The following ZFPM2 variants were observed in gnomAD, a reference collection of about 807,000 sequenced individuals.
ZFPM2 encodes the protein zinc finger protein ZFPM2.
In ZFPM2, 20 loss-of-function variants were observed where a neutral mutation model predicts 98.6. The observed-to-expected ratio is 0.20, with a 90% CI of 0.14 to 0.29. The LOEUF (loss-of-function observed/expected upper bound fraction) is 0.29, where lower values mean the gene tolerates loss of function less well. Ranked by LOEUF, ZFPM2 falls within the 10% of genes least tolerant of loss-of-function variation. The pLI, the probability that ZFPM2 is intolerant of heterozygous loss-of-function variation, is 1.00. For missense variants in ZFPM2, 1,310 were observed against 1,388.6 expected (o/e 0.94, Z 0.90); for synonymous variants, 518 against 502.7 (o/e 1.03, Z -0.41).
intron 3 of ZFPM2, among the ~76,000 whole-genome samples, chr8:105,471,974 A>T (rs766527728): frequency 6.6e-6 from 1 of 152,166 alleles, no homozygotes; most frequent in Non-Finnish European, 1.5e-5. Flanking sequence ...GTTTCAAAAA[A>T]TGTGGTCGGT....
chr8:105,717,763 T>C (rs1294663385), intron 5 of ZFPM2, among the ~76,000 whole-genome samples: 4 of 151,946 alleles, frequency 2.6e-5, no homozygotes, highest in Non-Finnish European at 5.9e-5. Flanking sequence ...TAGTTTCACA[T>C]AGTATGCTGT....
intron 1 of ZFPM2, chr8:105,387,280 CCGCATTGGGG>C (rs1259904610): frequency 6.4e-6 from 1 of 155,090 alleles, no homozygotes; most frequent in Non-Finnish European, 1.4e-5. Context: ...CCAGTGGATC[CCGCATTGGGG>C]CGCAGGTGGA....
chr8:105,630,357 ATCT>A (rs747008657), intron 4 of ZFPM2, among the ~76,000 whole-genome samples: 1 of 152,138 alleles, frequency 6.6e-6, no homozygotes, highest in South Asian at 2.1e-4. Flanking sequence ...ACACTTGGTA[ATCT>A]TCTTTGAAGT....
At chr8:105,461,401 A>G (rs1812702663) in intron 3 of ZFPM2, among the ~76,000 whole-genome samples, 1 of 152,116 alleles carries the variant, frequency 6.6e-6, no homozygotes, top group African/African-American at 2.4e-5. Flanking sequence ...AATTCTCCTG[A>G]TTTCCTTTGG....
chr8:105,344,845 TGAA>T (rs1261875133), intron 1 of ZFPM2, among the ~76,000 whole-genome samples: 1 of 152,140 alleles, frequency 6.6e-6, no homozygotes, highest in African/African-American at 2.4e-5. Context: ...ATGATTTAGT[TGAA>T]GAAATCATTA....
At chr8:105,540,605 C>T (rs1223883232) in intron 3 of ZFPM2, among the ~76,000 whole-genome samples, 1 of 152,080 alleles carries the variant, frequency 6.6e-6, no homozygotes, top group African/African-American at 2.4e-5. Flanking sequence ...TAATCCTCTC[C>T]ATAAAACTTA....
chr8:105,758,380 A>G (rs1812654915), intron 5 of ZFPM2, among the ~76,000 whole-genome samples: 1 of 152,106 alleles, frequency 6.6e-6, no homozygotes, highest in Non-Finnish European at 1.5e-5. Flanking sequence ...TCCACACACA[A>G]TAGTAGGTAT....
intron 4 of ZFPM2, among the ~76,000 whole-genome samples, chr8:105,581,752 C>A (rs1046819121): frequency 6.6e-6 from 1 of 152,160 alleles, no homozygotes; most frequent in Admixed American, 6.5e-5. Flanking sequence ...TTCAACCATA[C>A]CTAATGCCAT....
chr8:105,670,870 G>T (rs1281738901), intron 5 of ZFPM2, among the ~76,000 whole-genome samples: 5 of 152,116 alleles, frequency 3.3e-5, no homozygotes, highest in Non-Finnish European at 5.9e-5. Flanking sequence ...CAGAATTTCA[G>T]TTGATAAACT....
At chr8:105,650,250 A>T (rs371276031) in intron 5 of ZFPM2, among the ~76,000 whole-genome samples, 3 of 151,964 alleles carry the variant, frequency 2.0e-5, no homozygotes, top group Admixed American at 2.0e-4. Context: ...TATTGTGTCT[A>T]TTTGATTCTT....
intron 5 of ZFPM2, among the ~76,000 whole-genome samples, chr8:105,784,612 C>T (rs1479300232): frequency 6.9e-6 from 1 of 145,722 alleles, no homozygotes; most frequent in Non-Finnish European, 1.5e-5. Context: ...AGGTGCTGTT[C>T]TTAAGCTTTC....
chr8:105,419,836 A>G (rs1811757306), intron 2 of ZFPM2, among the ~76,000 whole-genome samples: 1 of 151,864 alleles, frequency 6.6e-6, no homozygotes, highest in Non-Finnish European at 1.5e-5. Context: ...CTTTTTTGAC[A>G]CATTAACAAT....
Position 105,802,991 on chromosome 8 carries a change from G to A in ZFPM2, c.2909G>A (p.Gly970Glu). ...TTTCTTCCACAATGCCTTTACCCTG[G>A]AGCAATAAAGAAAGCAAAAGGAGCC... ...HLFLPQCLYP[G>E]AIKKAKGADQ... The change falls in exon 8 of 8, where the codon GGA becomes GAA. Residue 970 changes from glycine (G) to glutamate (E), a missense_variant. Transcript: ENST00000407775. The A allele has an allele frequency of 1.9e-6, 3 of 1,612,780 alleles. No homozygotes were observed. The highest frequency in any genetic ancestry group is 1.7e-6 in the Non-Finnish European group (2 of 1,179,382).
intron 1 of ZFPM2, among the ~76,000 whole-genome samples, chr8:105,353,895 G>C (rs1812693215): frequency 6.6e-6 from 1 of 152,146 alleles, no homozygotes; most frequent in South Asian, 2.1e-4. Flanking sequence ...ACTTGAACTT[G>C]TAGTATGTTT....
intron 5 of ZFPM2, among the ~76,000 whole-genome samples, chr8:105,679,407 T>C (rs1011794630): frequency 1.3e-5 from 2 of 152,042 alleles, no homozygotes; most frequent in African/African-American, 4.8e-5. Flanking sequence ...AGCATTTGAG[T>C]TTGTCACCTC....
intron 1 of ZFPM2, among the ~76,000 whole-genome samples, chr8:105,341,163 G>C (rs1298999278): frequency 2.0e-5 from 3 of 151,908 alleles, no homozygotes; most frequent in African/African-American, 4.8e-5. Context: ...GGTAGGTATA[G>C]AACATACCCT....
At chr8:105,535,091 A>G (rs528037761) in intron 3 of ZFPM2, among the ~76,000 whole-genome samples, 33 of 152,316 alleles carry the variant, frequency 2.2e-4, no homozygotes, top group Admixed American at 1.3e-4. Flanking sequence ...AAGGCATATC[A>G]TTGGGGAATA....
At chr8:105,697,791 A>G (rs1811053145) in intron 5 of ZFPM2, among the ~76,000 whole-genome samples, 1 of 152,194 alleles carries the variant, frequency 6.6e-6, no homozygotes, top group African/African-American at 2.4e-5. Flanking sequence ...TTTTTAACAT[A>G]GCTAAATATG....
chr8:105,433,291 A>G (rs11998463), intron 2 of ZFPM2, among the ~76,000 whole-genome samples: 2 of 151,994 alleles, frequency 1.3e-5, no homozygotes, highest in Non-Finnish European at 2.9e-5. Context: ...GAGAAAAACT[A>G]TTTTCACATG....
Sources: gnomAD v4.1 joint callset for allele counts (sites outside exome capture counted in the v4.1 genomes callset) on GRCh38, gnomAD v4.1.1 for gene constraint, MANE v1.5 for transcripts, NCBI Gene and HGNC (gene_info 2026-07-23, HGNC 2026-07-21) for gene names.